Variants in VSNL1 observed in about 807,000 individuals in gnomAD.
VSNL1 encodes visinin-like protein 1.
VSNL1 carries 6 observed loss-of-function variants against 20.4 expected under a neutral mutation model. The observed-to-expected ratio is 0.29, with a 90% CI of 0.16 to 0.58. The LOEUF is 0.58. Among genes scored for constraint, VSNL1 ranks in the 20% least tolerant of loss-of-function variants. The probability of loss-of-function intolerance (pLI) is 0.90; values close to 1 mark genes in which losing one functional copy is unlikely to be tolerated. For synonymous variants in VSNL1, 93 were observed against 86.4 expected (o/e 1.08, Z -0.42); for missense variants, 100 against 234.5 (o/e 0.43, Z 3.75).
At chr2:17,648,142 CA>C (rs145454569) in intron 2 of VSNL1, among the ~76,000 whole-genome samples, 1,766 of 152,262 alleles carry the variant, frequency 0.012, 18 homozygotes, top group Non-Finnish European at 0.017. Flanking sequence ...TGGGTACTAC[CA>C]AAATATAAGT....
intron 2 of VSNL1, among the ~76,000 whole-genome samples, chr2:17,606,345 G>A (rs1019046018): frequency 1.3e-5 from 2 of 152,234 alleles, no homozygotes; most frequent in African/African-American, 4.8e-5. Flanking sequence ...TCCAAGTCCT[G>A]GCTCTGCACT....
chr2:17,573,148 T>A (rs1468216920), intron 1 of VSNL1, among the ~76,000 whole-genome samples: 1 of 151,810 alleles, frequency 6.6e-6, no homozygotes, highest in African/African-American at 2.4e-5. Context: ...GACAAGTGCG[T>A]ACTATGCTGA....
chr2:17,569,696 T>C (rs1664036139), intron 1 of VSNL1, among the ~76,000 whole-genome samples: 1 of 152,244 alleles, frequency 6.6e-6, no homozygotes, highest in Non-Finnish European at 1.5e-5. Context: ...ATTTAAACTC[T>C]ATTTAAAAAT....
At chr2:17,636,807 T>C (rs1665761272) in intron 2 of VSNL1, among the ~76,000 whole-genome samples, 2 of 152,190 alleles carry the variant, frequency 1.3e-5, no homozygotes, top group South Asian at 4.1e-4. Flanking sequence ...TGATATCTTT[T>C]TATTGGACAG....
chr2:17,606,102 T>C (rs1664938575), intron 2 of VSNL1, among the ~76,000 whole-genome samples: 1 of 152,206 alleles, frequency 6.6e-6, no homozygotes, highest in Non-Finnish European at 1.5e-5. Context: ...TCACACAGCA[T>C]TGAAACCCAG....
At chr2:17,581,833 T>A (rs1015473108) in intron 1 of VSNL1, among the ~76,000 whole-genome samples, 3 of 152,148 alleles carry the variant, frequency 2.0e-5, no homozygotes, top group African/African-American at 7.2e-5. Flanking sequence ...ATTAATTAAT[T>A]CAACAACATT....
In VSNL1 at chr2:17,656,209, AT is replaced by A. The variant is rs1666230928; in HGVS notation, c.*819del. The A allele has an allele frequency of 6.6e-6, 1 of 152,194 alleles. No homozygotes were observed. The allele number at this position is 152,194 out of a possible 1,614,324, so 9.4% of individuals were successfully genotyped here. A position where few individuals can be genotyped will look rare whatever the true frequency, so the allele number is the denominator to read the frequency against. ...TTTTCCCCCTAATTCTTATTTTATA[AT>A]TTTAAAATTGCAGCAGTTGCTAGCA... On this transcript the variant is annotated 3_prime_UTR_variant, in exon 4 of 4. Coordinates refer to ENST00000295156, the MANE Select transcript of VSNL1 (RefSeq NM_003385.5).
intron 2 of VSNL1, among the ~76,000 whole-genome samples, chr2:17,609,787 A>G (rs1665040607): frequency 6.6e-6 from 1 of 152,210 alleles, no homozygotes; most frequent in African/African-American, 2.4e-5. Flanking sequence ...AGGTCCCACC[A>G]ATTGATCACT....
intron 3 of VSNL1, among the ~76,000 whole-genome samples, chr2:17,654,333 C>G (rs1666180806): frequency 6.6e-6 from 1 of 152,044 alleles, no homozygotes; most frequent in African/African-American, 2.4e-5. Flanking sequence ...AAACAGAGTC[C>G]CTGCTCCACA....
At chr2:17,570,325 T>C (rs2103355555) in intron 1 of VSNL1, among the ~76,000 whole-genome samples, 1 of 152,340 alleles carries the variant, frequency 6.6e-6, no homozygotes, top group South Asian at 2.1e-4. Flanking sequence ...GAATCACTTA[T>C]TAGGGCTACA....
chr2:17,643,108 C>T (rs1377115938), intron 2 of VSNL1, among the ~76,000 whole-genome samples: 1 of 152,140 alleles, frequency 6.6e-6, no homozygotes, highest in African/African-American at 2.4e-5. Context: ...ATCACATCTG[C>T]TTGAGGGCAG....
intron 2 of VSNL1, among the ~76,000 whole-genome samples, chr2:17,622,548 GAAAGAAAGAAAGA>G (rs1394756060): frequency 8.6e-5 from 6 of 70,156 alleles, no homozygotes; most frequent in Non-Finnish European, 1.6e-4. Flanking sequence ...AAGAAAGAAA[GAAAGAAAGAAAGA>G]AAGAAAGAAA....
intron 2 of VSNL1, among the ~76,000 whole-genome samples, chr2:17,641,967 T>A (rs1178669240): frequency 6.6e-6 from 1 of 152,222 alleles, no homozygotes; most frequent in Non-Finnish European, 1.5e-5. Flanking sequence ...CCTTCTTTTT[T>A]AAAAATTTTA....
chr2:17,581,174 A>G (rs1380097478), intron 1 of VSNL1, among the ~76,000 whole-genome samples: 2 of 152,086 alleles, frequency 1.3e-5, no homozygotes, highest in Non-Finnish European at 2.9e-5. Context: ...TATTCCTCAG[A>G]TCATGGTTCA....
intron 1 of VSNL1, among the ~76,000 whole-genome samples, chr2:17,583,744 C>T (rs1664403918): frequency 6.6e-6 from 1 of 152,152 alleles, no homozygotes; most frequent in Non-Finnish European, 1.5e-5. Context: ...ATATGATGCA[C>T]TTTTATGTAA....
chr2:17,650,679 G>T (rs535549056), intron 3 of VSNL1, among the ~76,000 whole-genome samples: 1 of 152,276 alleles, frequency 6.6e-6, no homozygotes, highest in Admixed American at 6.5e-5. Flanking sequence ...ACAAGAAAAT[G>T]GGATGATTGC....
At chr2:17,602,818 G>A (rs1409328667) in intron 2 of VSNL1, among the ~76,000 whole-genome samples, 1 of 152,086 alleles carries the variant, frequency 6.6e-6, no homozygotes, top group Non-Finnish European at 1.5e-5. Context: ...GAATCCCTTT[G>A]TAGTAATAGA....
upstream of VSNL1, chr2:17,540,233 G>GT (rs1378213948): frequency 6.6e-6 from 1 of 152,416 alleles, no homozygotes; most frequent in Non-Finnish European, 1.5e-5. Flanking sequence ...GATTTCTGCA[G>GT]TTTTCTCCTT....
At chr2:17,594,795 T>G (rs1664675834) in intron 2 of VSNL1, among the ~76,000 whole-genome samples, 1 of 152,206 alleles carries the variant, frequency 6.6e-6, no homozygotes, top group South Asian at 2.1e-4. Context: ...AGGAGCAGGA[T>G]AATGGGAGTG....
Sources: allele counts gnomAD v4.1 joint callset (sites outside exome capture counted in the v4.1 genomes callset), GRCh38; gene constraint gnomAD v4.1.1; transcripts MANE v1.5; gene names NCBI Gene and HGNC (gene_info 2026-07-23, HGNC 2026-07-21).